NRXN1: variants seen among roughly 807,000 people sequenced by gnomAD.
NRXN1 encodes neurexin-1.
NRXN1 carries 39 observed loss-of-function variants against 150.9 expected under a neutral mutation model. The observed-to-expected ratio is 0.26, with a 90% CI of 0.20 to 0.34. The LOEUF (loss-of-function observed/expected upper bound fraction) is 0.34, where lower values mean the gene tolerates loss of function less well. Among genes scored for constraint, NRXN1 ranks in the 10% least tolerant of loss-of-function variants. The pLI, the probability that NRXN1 is intolerant of heterozygous loss-of-function variation, is 1.00. For missense variants in NRXN1, 1,815 were observed against 1,949.9 expected (o/e 0.93, Z 1.30); for synonymous variants, 924 against 757.0 (o/e 1.22, Z -3.62).
intron 2 of NRXN1, among the ~76,000 whole-genome samples, chr2:50,947,553 T>C (rs966726501): frequency 6.6e-6 from 1 of 151,864 alleles, no homozygotes; most frequent in Non-Finnish European, 1.5e-5. Context: ...AATATACCCA[T>C]TCATGATACA....
chr2:49,979,608 C>CAT, intron 21 of NRXN1, among the ~76,000 whole-genome samples: 1 of 152,136 alleles, frequency 6.6e-6, no homozygotes. Context: ...TTTCAAAAGA[C>CAT]ATATGTCAGA....
chr2:50,641,593 A>T (rs899747926), intron 5 of NRXN1, among the ~76,000 whole-genome samples: 5 of 152,082 alleles, frequency 3.3e-5, no homozygotes, highest in African/African-American at 1.2e-4. Flanking sequence ...TATTCTTCCC[A>T]GCAATTCCAC....
intron 21 of NRXN1, among the ~76,000 whole-genome samples, chr2:50,030,421 A>G (rs1189922120): frequency 6.6e-6 from 1 of 152,180 alleles, no homozygotes; most frequent in African/African-American, 2.4e-5. Context: ...GGAGTCTATC[A>G]TAAGTGAACA....
chr2:50,799,359 A>T (rs1707275578), intron 5 of NRXN1, among the ~76,000 whole-genome samples: 1 of 152,220 alleles, frequency 6.6e-6, no homozygotes, highest in Non-Finnish European at 1.5e-5. Context: ...ATTGAAAGGC[A>T]GAAGAAACAC....
chr2:50,128,983 C>CGATAAATAAATAAATAAATA (rs34350062), intron 18 of NRXN1, among the ~76,000 whole-genome samples: 1 of 146,808 alleles, frequency 6.8e-6, no homozygotes, highest in African/African-American at 2.6e-5. Context: ...GACTCCATCT[C>CGATAAATAAATAAATAAATA]AATAAATAAA....
chr2:50,722,917 T>C (rs1364736702), intron 5 of NRXN1, among the ~76,000 whole-genome samples: 2 of 152,154 alleles, frequency 1.3e-5, no homozygotes, highest in Non-Finnish European at 2.9e-5. Context: ...TGTGGGATCT[T>C]GCCTTGGTCC....
intron 17 of NRXN1, among the ~76,000 whole-genome samples, chr2:50,458,390 C>T (rs1197541274): frequency 6.6e-6 from 1 of 151,966 alleles, no homozygotes; most frequent in African/African-American, 2.4e-5. Context: ...ATGGCAAATA[C>T]AGTTAACAAT....
intron 21 of NRXN1, among the ~76,000 whole-genome samples, chr2:49,957,254 T>C (rs567353007): frequency 5.9e-5 from 9 of 152,102 alleles, no homozygotes; most frequent in Non-Finnish European, 1.0e-4. Context: ...TGAAGTTATT[T>C]ACACCTATTT....
At chr2:50,294,774 C>T (rs1022170347) in intron 17 of NRXN1, among the ~76,000 whole-genome samples, 3 of 152,188 alleles carry the variant, frequency 2.0e-5, no homozygotes, top group African/African-American at 4.8e-5. Flanking sequence ...AAAGGTGCAT[C>T]ATCACTCATC....
intron 18 of NRXN1, among the ~76,000 whole-genome samples, chr2:50,153,878 C>T (rs1490074677): frequency 6.6e-6 from 1 of 151,694 alleles, no homozygotes; most frequent in Non-Finnish European, 1.5e-5. Flanking sequence ...AATCAAAACA[C>T]AGGTCTCTGG....
At chr2:50,135,254 A>G (rs1706208232) in intron 18 of NRXN1, among the ~76,000 whole-genome samples, 1 of 152,260 alleles carries the variant, frequency 6.6e-6, no homozygotes, top group Non-Finnish European at 1.5e-5. Context: ...ATAGCCAGCC[A>G]GAAACACTTT....
chr2:50,495,169 A>G (rs185447695), intron 15 of NRXN1, among the ~76,000 whole-genome samples: 83 of 152,324 alleles, frequency 5.4e-4, no homozygotes, highest in Non-Finnish European at 8.2e-4. Flanking sequence ...GATGGGATAC[A>G]CACATATATT....
At chr2:50,679,258 C>T (rs1402227834) in intron 5 of NRXN1, among the ~76,000 whole-genome samples, 2 of 152,098 alleles carry the variant, frequency 1.3e-5, no homozygotes, top group Admixed American at 6.6e-5. Context: ...CATGGGGAGA[C>T]ATCCCTCTGG....
rs200038559 is a variant in NRXN1, at chr2:50,472,437, T to A, written c.3105A>T (p.Thr1035=). The change falls in exon 16 of 23, where the codon ACA becomes ACT. Residue 1035 remains threonine, a synonymous_variant. Coordinates refer to ENST00000401669, the MANE Select transcript of NRXN1 (RefSeq NM_001330078.2). ...DLYIGGVAKE[T]YKSLPKLVHA... The stretch of plus-strand genomic sequence containing the variant: ...GTACAAGTTTTGGTAAGGATTTGTA[T>A]GTTTCTTTAGCTACTCCTCCTATAT... 2.5e-6 allele frequency: 4 copies of A among 1,612,208 alleles called. No homozygotes were observed. The highest frequency in any genetic ancestry group is 3.4e-6 in the Non-Finnish European group (4 of 1,178,750).
intron 2 of NRXN1, among the ~76,000 whole-genome samples, chr2:50,947,804 TA>T (rs1264531448): frequency 1.3e-5 from 2 of 152,004 alleles, no homozygotes; most frequent in African/African-American, 4.8e-5. Flanking sequence ...TAGACATGTA[TA>T]ATATCTACTT....
chr2:50,170,751 T>A (rs1332393281), intron 18 of NRXN1, among the ~76,000 whole-genome samples: 2 of 147,050 alleles, frequency 1.4e-5, no homozygotes, highest in African/African-American at 5.2e-5. Context: ...TCTCTCTCTG[T>A]CTGTCGTGTG....
intron 18 of NRXN1, among the ~76,000 whole-genome samples, chr2:50,142,597 A>C (rs541133714): frequency 6.6e-6 from 1 of 152,074 alleles, no homozygotes; most frequent in African/African-American, 2.4e-5. Flanking sequence ...ATAAAAATGT[A>C]TATCAATTAA....
At chr2:50,931,943 C>A (rs1252521731) in intron 2 of NRXN1, among the ~76,000 whole-genome samples, 1 of 151,824 alleles carries the variant, frequency 6.6e-6, no homozygotes, top group Non-Finnish European at 1.5e-5. Context: ...CTCACTGCAG[C>A]CTCTGTCTCC....
chr2:51,001,764 A>T (rs1455164677), intron 2 of NRXN1, among the ~76,000 whole-genome samples: 2 of 152,016 alleles, frequency 1.3e-5, no homozygotes, highest in Non-Finnish European at 2.9e-5. Flanking sequence ...AGGATATAAT[A>T]TCCCCAAATA....
Sources: allele counts gnomAD v4.1 joint callset (sites outside exome capture counted in the v4.1 genomes callset), GRCh38; gene constraint gnomAD v4.1.1; transcripts MANE v1.5; gene names NCBI Gene and HGNC (gene_info 2026-07-23, HGNC 2026-07-21).